The following TRIM47 variants were observed in gnomAD, a reference collection of about 807,000 sequenced individuals.
TRIM47 encodes the protein E3 ubiquitin-protein ligase TRIM47.
TRIM47 carries 46 observed loss-of-function variants against 54.4 expected under a neutral mutation model. That is an observed-to-expected ratio of 0.84 (90% CI 0.67 to 1.08). The LOEUF (loss-of-function observed/expected upper bound fraction) is 1.08, where lower values mean the gene tolerates loss of function less well. TRIM47 is among the 50% of genes least tolerant of loss of function. The pLI is 0.00. For synonymous variants in TRIM47, 392 were observed against 410.2 expected, an observed-to-expected ratio of 0.96 and a Z score of 0.54; for missense variants, 825 against 910.1, an observed-to-expected ratio of 0.91 and a Z score of 1.20.
chr17:75,875,254 C>A lies in TRIM47; in HGVS notation c.1277-131G>T. ...TCCAACCGGCACAACCCAGCCCCGC[C>A]GGGGACCACCCCAGGAGCTGCCCTA... On this transcript the variant is annotated intron_variant, in intron 5 of 5. Transcript: ENST00000254816. The surrounding 1 kb of genome is among the most constrained non-coding windows in gnomAD (Gnocchi z 6.1). The A allele has an allele frequency of 7.0e-7, 1 of 1,427,046 alleles. No individual in the cohort carries two copies. The highest frequency in any genetic ancestry group is 1.3e-5 in the South Asian group (1 of 78,494). 88.4% of individuals were successfully genotyped at this position (1,427,046 alleles called of 1,614,324 possible).
At position 75,876,253 on chromosome 17, in the gene TRIM47, G is replaced by T; in HGVS notation, c.1002+9C>A. On this transcript the variant is annotated intron_variant, in intron 3 of 5. Transcript: ENST00000254816. ...CTGTTCCTTCCGTGGCCCCCAGAGC[G>T]GCCTTCACCTGCAGGAAGCTGACTG... The T allele has an allele frequency of 1.3e-6, 2 of 1,597,374 alleles. No homozygotes were observed. Among genetic ancestry groups the T allele is most frequent in the Non-Finnish European group, 1.7e-6 (2 of 1,173,132 alleles).
rs2065148171 is a variant in TRIM47 at position 75,878,276 on chromosome 17, C to T, written c.273G>A (p.Pro91=). The T allele has an allele frequency of 3.2e-6, 4 of 1,257,868 alleles. No individual in the cohort carries two copies. Among genetic ancestry groups the T allele is most frequent in the South Asian group, 5.7e-5 (2 of 35,024 alleles). The allele number at this position is 1,257,868 out of a possible 1,614,324, so 77.9% of individuals were successfully genotyped here. ...AGGGCTCCGGGGCCAGGGCAGGGGC[C>T]GGGCCGGGGCCGGACCCGGGGCCCG... ...QGSGPGSGPG[P]APALAPEPSA... is the part of the protein sequence containing the mutation. Residue 91 remains proline, a synonymous_variant, in exon 1 of 6, where the codon CCG becomes CCA. Transcript: ENST00000254816.
At position 75,875,784 on chromosome 17, in the gene TRIM47, C is replaced by G. The variant is rs2065129260; in HGVS notation, c.1201+117G>C. On this transcript the variant is annotated intron_variant, in intron 4 of 5. Transcript: ENST00000254816. This position sits in a 1 kb window ranked among gnomAD's most constrained non-coding sequence, Gnocchi z 6.1. ...TCTAGTCACTGGCAGGATTTGGGCT[C>G]CTCCCTGTGCCAGGCACAATTTTCC... 1.6e-6 allele frequency: 2 copies of G among 1,259,362 alleles called. No individual in the cohort carries two copies. Among genetic ancestry groups the G allele is most frequent in the Admixed American group, 4.5e-5 (2 of 44,462 alleles). 78.0% of individuals were successfully genotyped at this position (1,259,362 alleles called of 1,614,324 possible).
chr17:75,878,033 C>G lies in TRIM47; in HGVS notation c.516G>C (p.Pro172=). ...SPALRGHRLV[P]PLRRLEESLC... is the part of the protein sequence containing the mutation. ...GGCTCTCCTCTAGCCGGCGCAGCGG[C>G]GGCACCAGGCGGTGTCCGCGGAGGG... is the stretch of plus-strand genomic sequence containing the variant. The change falls in exon 1 of 6, where the codon CCG becomes CCC. Residue 172 remains proline, a synonymous_variant. Transcript: ENST00000254816. 1 of 1,415,054 alleles carries G rather than the reference C, an allele frequency of 7.1e-7. No homozygotes were observed. The highest frequency in any genetic ancestry group is 9.2e-7 in the Non-Finnish European group (1 of 1,087,728). The allele number at this position is 1,415,054 out of a possible 1,614,324, so 87.7% of individuals were successfully genotyped here.
rs200041308 is a variant in TRIM47, at chr17:75,874,791, C to G, written c.1609G>C (p.Glu537Gln). The change falls in exon 6 of 6, where the codon GAG becomes CAG. Residue 537 changes from glutamate (E) to glutamine (Q), a missense_variant. By Grantham distance (29) the Glu-to-Gln change is conservative (BLOSUM62 2). Transcript: ENST00000254816. This position sits in a 1 kb window ranked among gnomAD's most constrained non-coding sequence, Gnocchi z 6.2. ...RSFSVWFHGL[E>Q]APLPHPFSPT... Reference sequence around the variant, plus strand: ...GAGAAGGGGTGGGGCAGGGGAGCCTCCAGCCCATGAAACCAGACGGAGAAG... The same window carrying G: ...GAGAAGGGGTGGGGCAGGGGAGCCTGCAGCCCATGAAACCAGACGGAGAAG... The G allele has an allele frequency of 1.9e-6, 3 of 1,614,032 alleles. No individual in the cohort carries two copies. The highest frequency in any genetic ancestry group is 4.5e-5 in the East Asian group (2 of 44,866).
intron 1 of TRIM47, 105 bp downstream of exon 1, chr17:75,877,769 G>T (rs1368283404): frequency 1.3e-5 from 17 of 1,261,806 alleles, no homozygotes; most frequent in Middle Eastern, 3.0e-4. Context: ...TAGAGGAGGA[G>T]ATTAAGACCC....
chr17:75,874,961 C>G lies in TRIM47; in HGVS notation c.1439G>C (p.Gly480Ala), dbSNP rs1244365086. Reference sequence around the variant, plus strand: ...AATCTCCACCTCCCAGTAGTAGGTGCCTCGGTCCAGGGCACCCTCGCCCAG... The same window carrying G: ...AATCTCCACCTCCCAGTAGTAGGTGGCTCGGTCCAGGGCACCCTCGCCCAG... Reference protein sequence around the residue: ...QVLGEGALDRGTYYWEVEIIE... With the variant: ...QVLGEGALDRATYYWEVEIIE... Residue 480 changes from glycine (G) to alanine (A), a missense_variant, in exon 6 of 6, where the codon GGC (glycine) becomes GCC (alanine). Gly to Ala is a moderately conservative substitution (Grantham distance 60, BLOSUM62 0). Transcript: ENST00000254816. This position sits in a 1 kb window ranked among gnomAD's most constrained non-coding sequence, Gnocchi z 6.2. 1.9e-6 allele frequency: 3 copies of G among 1,613,996 alleles called. No homozygotes were observed. The East Asian group carries it at 6.7e-5, about 36-fold the overall frequency.
chr17:75,876,156 G>C, intron 3 of TRIM47, 57 bp from the exon 4 acceptor site: 1 of 1,581,136 alleles, frequency 6.3e-7, no homozygotes, highest in Non-Finnish European at 8.6e-7. Context: ...CCTTGCTGGG[G>C]GTGGAGGCAG....
chr17:75,876,313 G>A lies in TRIM47; in HGVS notation c.951C>T (p.Ala317=). 1.2e-6 allele frequency: 2 copies of A among 1,611,002 alleles called. No homozygotes were observed. Reference sequence around the variant, plus strand: ...CAGGGACCTGGCTGAGATTCTGGCGGGCTCGGCTCAGGCGGCTGCGCTGTT... The same window carrying A: ...CAGGGACCTGGCTGAGATTCTGGCGAGCTCGGCTCAGGCGGCTGCGCTGTT... The part of the protein sequence containing the change: ...QEEQRSRLSR[A]RQNLSQVPEA... The change falls in exon 3 of 6, where the codon GCC becomes GCT. Residue 317 remains alanine (A), a synonymous_variant. Coordinates refer to ENST00000254816, the MANE Select transcript of TRIM47 (RefSeq NM_033452.3).
rs753356339 is a variant in TRIM47, at chr17:75,876,375, G to C, written c.889C>G (p.Leu297Val). ...GFIEEGEAAM[L>V]GRSQGDLRRQ... ...CGCAGGTCACCCTGGGAGCGGCCTA[G>C]CATGGCAGCTTCCCCCTCCTCGATG... The change falls in exon 3 of 6, where the codon CTA becomes GTA. Residue 297 changes from leucine (L) to valine (V), a missense_variant. Physicochemically the swap from Leu to Val is conservative, Grantham distance 32. Transcript: ENST00000254816. 6.2e-7 allele frequency: 1 copy of C among 1,612,116 alleles called. No homozygotes were observed. Among genetic ancestry groups the C allele is most frequent in the Non-Finnish European group, 8.5e-7 (1 of 1,179,980 alleles).
rs774414286 is a variant in TRIM47, at chr17:75,877,929, T to C, written c.620A>G (p.Gln207Arg). The change falls in exon 1 of 6, where the codon CAG (glutamine) becomes CGG (arginine). Residue 207 changes from glutamine (Q) to arginine (R), a missense_variant. Transcript: ENST00000254816. ...CACCAGCTCGTGGCCGCGGTGCTCC[T>C]GTGCGGCGCAGGCCTCGCACAGACA... Reference protein sequence around the residue: ...RVCLCEACAAQEHRGHELVPL... With the variant: ...RVCLCEACAAREHRGHELVPL... 6.9e-6 allele frequency: 10 copies of C among 1,440,360 alleles called. No individual in the cohort carries two copies. The highest frequency in any genetic ancestry group is 1.4e-5 in the South Asian group (1 of 72,670). 89.2% of individuals were successfully genotyped at this position (1,440,360 alleles called of 1,614,324 possible). A position where few individuals can be genotyped will look rare whatever the true frequency, so the allele number is the denominator to read the frequency against.
Position 75,878,557 on chromosome 17 carries a change from G to C in TRIM47, c.-9C>G, listed in dbSNP as rs1431122968. On this transcript the variant is annotated 5_prime_UTR_variant, in exon 1 of 6. Transcript: ENST00000254816. The stretch of plus-strand genomic sequence containing the variant: ...GGTCCACTGCCGTCCATGACTCCGC[G>C]GCCGCCCAGGGCGCCGCCGATTGTG... 2 of 1,270,846 alleles carry C rather than the reference G, an allele frequency of 1.6e-6. No homozygotes were observed. The highest frequency in any genetic ancestry group is 1.5e-5 in the African/African-American group (1 of 64,882). The allele number at this position is 1,270,846 out of a possible 1,614,324, so 78.7% of individuals were successfully genotyped here. A position where few individuals can be genotyped will look rare whatever the true frequency, so the allele number is the denominator to read the frequency against.
Position 75,876,356 on chromosome 17 carries a change from T to C in TRIM47, c.908A>G (p.Asp303Gly), listed in dbSNP as rs2065134381. Reference sequence around the variant, plus strand: ...GCGCTGTTCCTCCTGTCGCCGCAGGTCACCCTGGGAGCGGCCTAGCATGGC... The same window carrying C: ...GCGCTGTTCCTCCTGTCGCCGCAGGCCACCCTGGGAGCGGCCTAGCATGGC... ...EAAMLGRSQG[D>G]LRRQEEQRSR... is the part of the protein sequence containing the mutation. Residue 303 changes from aspartate to glycine, a missense_variant, in exon 3 of 6, where the codon GAC becomes GGC. By Grantham distance (94) the Asp-to-Gly change is moderately conservative (BLOSUM62 -1). Coordinates refer to ENST00000254816, the MANE Select transcript of TRIM47 (RefSeq NM_033452.3). 6.2e-7 allele frequency: 1 copy of C among 1,611,972 alleles called. No homozygotes were observed. Among genetic ancestry groups the C allele is most frequent in the Middle Eastern group, 1.7e-4 (1 of 6,060 alleles).
In TRIM47 at chr17:75,878,012, C is replaced by T. The variant is rs1159845651; in HGVS notation, c.537G>A (p.Glu179=). Residue 179 remains glutamate (E), a synonymous_variant, in exon 1 of 6, where the codon GAG becomes GAA. Coordinates refer to ENST00000254816, the MANE Select transcript of TRIM47 (RefSeq NM_033452.3). Reference sequence around the variant, plus strand: ...GCCGTAGGTGGCGCGGGCACAGGCTCTCCTCTAGCCGGCGCAGCGGCGGCA... The same window carrying T: ...GCCGTAGGTGGCGCGGGCACAGGCTTTCCTCTAGCCGGCGCAGCGGCGGCA... The part of the protein sequence containing the change: ...RLVPPLRRLE[E]SLCPRHLRPL... The T allele has an allele frequency of 6.9e-7, 1 of 1,447,316 alleles. No individual in the cohort carries two copies. Among genetic ancestry groups the T allele is most frequent in the Non-Finnish European group, 9.1e-7 (1 of 1,103,186 alleles). 89.7% of individuals were successfully genotyped at this position (1,447,316 alleles called of 1,614,324 possible). A position where few individuals can be genotyped will look rare whatever the true frequency, so the allele number is the denominator to read the frequency against.
rs3744022 is a variant in TRIM47 at position 75,875,906 on chromosome 17, G to A, written c.1196C>T (p.Ser399Leu). The A allele has an allele frequency of 8.1e-6, 13 of 1,611,660 alleles. No homozygotes were observed. In the East Asian group the frequency reaches 2.2e-4, roughly 28 times the overall value. The change falls in exon 4 of 6, where the codon TCG becomes TTG. Residue 399 changes from serine to leucine, a missense_variant. Coordinates refer to ENST00000254816, the MANE Select transcript of TRIM47 (RefSeq NM_033452.3). The surrounding 1 kb of genome is among the most constrained non-coding windows in gnomAD (Gnocchi z 6.1). The part of the protein sequence containing the change: ...GNEDGPQKLD[S>L]EADAEPQDLE... ...GGGCGTGGGGCGGTGCCCACCTTCC[G>A]AGTCCAGCTTCTGTGGCCCATCCTC... is the stretch of plus-strand genomic sequence containing the variant.
In TRIM47 at chr17:75,875,243, C is replaced by T. The variant is rs1009664846; in HGVS notation, c.1277-120G>A. The T allele has an allele frequency of 4.6e-5, 65 of 1,419,240 alleles. No homozygotes were observed. The highest frequency in any genetic ancestry group is 6.0e-5 in the Non-Finnish European group (63 of 1,050,006). 87.9% of individuals were successfully genotyped at this position (1,419,240 alleles called of 1,614,324 possible). A position where few individuals can be genotyped will look rare whatever the true frequency, so the allele number is the denominator to read the frequency against. On this transcript the variant is annotated intron_variant, in intron 5 of 5. Transcript: ENST00000254816. This position sits in a 1 kb window ranked among gnomAD's most constrained non-coding sequence, Gnocchi z 6.1. ...CTCCCCTGCTTTCCAACCGGCACAA[C>T]CCAGCCCCGCCGGGGACCACCCCAG...
chr17:75,875,749 G>T lies in TRIM47; in HGVS notation c.1201+152C>A. The T allele has an allele frequency of 2.2e-6, 2 of 926,880 alleles. No homozygotes were observed. Among genetic ancestry groups the T allele is most frequent in the Non-Finnish European group, 3.2e-6 (2 of 620,086 alleles). 57.4% of individuals were successfully genotyped at this position (926,880 alleles called of 1,614,324 possible). On this transcript the variant is annotated intron_variant, in intron 4 of 5. Transcript: ENST00000254816. This position sits in a 1 kb window ranked among gnomAD's most constrained non-coding sequence, Gnocchi z 6.1. ...TCCAAGGGGCTGATTGATCCCCACA[G>T]GGTGGCAGCTCTAGTCACTGGCAGG...
rs1219780738 is a variant in TRIM47, at chr17:75,875,829, C to A, written c.1201+72G>T. The A allele has an allele frequency of 1.3e-6, 2 of 1,514,236 alleles. No individual in the cohort carries two copies. Among genetic ancestry groups the A allele is most frequent in the East Asian group, 2.4e-5 (1 of 41,954 alleles). The allele number at this position is 1,514,236 out of a possible 1,614,324, so 93.8% of individuals were successfully genotyped here. On this transcript the variant is annotated intron_variant, in intron 4 of 5. Transcript: ENST00000254816. The surrounding 1 kb of genome is among the most constrained non-coding windows in gnomAD (Gnocchi z 6.1). ...TTTTCCTCCTCCACTTCTGGATGGG[C>A]GCCAGGCCTGGGGGCCTGTGCGAGA... is the stretch of plus-strand genomic sequence containing the variant.
rs2065118998 is a variant in TRIM47 at position 75,874,455 on chromosome 17, A to G, written c.*28T>C. 1 of 1,484,272 alleles carries G rather than the reference A, an allele frequency of 6.7e-7. No homozygotes were observed. Among genetic ancestry groups the G allele is most frequent in the Non-Finnish European group, 8.9e-7 (1 of 1,117,436 alleles). The allele number at this position is 1,484,272 out of a possible 1,614,324, so 91.9% of individuals were successfully genotyped here. ...GAGGAGGCAGCTTCCTGGAGCAGAG[A>G]CGGCAGCAGGAGCGCCCGTGCCCGG... On this transcript the variant is annotated 3_prime_UTR_variant, in exon 6 of 6. Transcript: ENST00000254816. This position sits in a 1 kb window ranked among gnomAD's most constrained non-coding sequence, Gnocchi z 6.2.
Sources: gnomAD v4.1 joint callset for allele counts on GRCh38, gnomAD v4.1.1 for gene constraint, Gnocchi (gnomAD v3.1) non-coding constraint, MANE v1.5 for transcripts, NCBI Gene and HGNC (gene_info 2026-07-23, HGNC 2026-07-21) for gene names.